Variants in MUC5AC observed in about 807,000 individuals in gnomAD.
The protein encoded by MUC5AC is mucin-5AC.
MUC5AC carries 158 observed loss-of-function variants against 169.7 expected under a neutral mutation model. The ratio of observed to expected loss-of-function variants is 0.93; its 90% CI spans 0.82 to 1.06. The LOEUF (loss-of-function observed/expected upper bound fraction) is 1.06. MUC5AC is among the 50% of genes least tolerant of loss of function. The probability of loss-of-function intolerance (pLI) is 0.00; values close to 1 mark genes in which losing one functional copy is unlikely to be tolerated. For synonymous variants in MUC5AC, 1,975 were observed against 1,237.0 expected, an observed-to-expected ratio of 1.60 and a Z score of -12.52; for missense variants, 4,359 against 3,089.9, an observed-to-expected ratio of 1.41 and a Z score of -9.74.
chr11:1,194,229 C>T lies in MUC5AC; in HGVS notation c.14875C>T (p.Arg4959Cys), dbSNP rs1325615254. Residue 4959 changes from arginine to cysteine, a missense_variant, in exon 34 of 49, where the codon CGC (arginine) becomes TGC (cysteine). Arg to Cys is a radical substitution (Grantham distance 180). Coordinates refer to ENST00000621226, the MANE Select transcript of MUC5AC (RefSeq NM_001304359.2). Reference protein sequence around the residue: ...QQIVPVYGHFRVLVDNYFCGA... With the variant: ...QQIVPVYGHFCVLVDNYFCGA... ...GATTGTGCCCGTGTATGGCCACTTC[C>T]GCGTGCTCGTCGACAACTACTTCTG... 7.8e-6 allele frequency: 6 copies of T among 764,878 alleles called. No homozygotes were observed. Among genetic ancestry groups the T allele is most frequent in the South Asian group, 4.0e-5 (3 of 74,614 alleles). The allele number at this position is 764,878 out of a possible 1,614,324, so 47.4% of individuals were successfully genotyped here. A position where few individuals can be genotyped will look rare whatever the true frequency, so the allele number is the denominator to read the frequency against.
In MUC5AC at chr11:1,164,445, C is replaced by T. The variant is rs185680347; in HGVS notation, c.1042C>T (p.Arg348Cys). The T allele has an allele frequency of 2.5e-5, 41 of 1,612,156 alleles. No homozygotes were observed. Among genetic ancestry groups the T allele is most frequent in the African/African-American group, 8.0e-5 (6 of 75,040 alleles). Residue 348 changes from arginine to cysteine, a missense_variant, in exon 9 of 49, where the codon CGC (arginine) becomes TGC (cysteine). By Grantham distance (180) the Arg-to-Cys change is radical. Transcript: ENST00000621226. Reference protein sequence around the residue: ...CPNNMQYHECRSPCADTCSNQ... With the variant: ...CPNNMQYHECCSPCADTCSNQ... Reference sequence around the variant, plus strand: ...CAACAACATGCAGTACCACGAGTGCCGCTCCCCCTGCGCAGACACCTGCTC... The same window carrying T: ...CAACAACATGCAGTACCACGAGTGCTGCTCCCCCTGCGCAGACACCTGCTC...
chr11:1,186,266 C>A lies in MUC5AC; in HGVS notation c.8121C>A (p.Ser2707Arg). The change falls in exon 31 of 49, where the codon AGC becomes AGA. Residue 2707 changes from serine (S) to arginine (R), a missense_variant. Ser to Arg is a moderately radical substitution (Grantham distance 110). Coordinates refer to ENST00000621226, the MANE Select transcript of MUC5AC (RefSeq NM_001304359.2). Reference protein sequence around the residue: ...GTTPSPVPTTSTTSAPTTSTT... With the variant: ...GTTPSPVPTTRTTSAPTTSTT... ...CTCCCAGCCCTGTTCCCACCACCAG[C>A]ACAACCTCTGCTCCCACAACAAGCA... 1 of 741,820 alleles carries A rather than the reference C, an allele frequency of 1.3e-6. No homozygotes were observed. The highest frequency in any genetic ancestry group is 2.5e-6 in the Non-Finnish European group (1 of 406,334). 46.0% of individuals were successfully genotyped at this position (741,820 alleles called of 1,614,324 possible).
Position 1,168,555 on chromosome 11 carries a change from G to C in MUC5AC, c.1567+3G>C, listed in dbSNP as rs747358938. On this transcript the variant is annotated splice_donor_region_variant and intron_variant, in intron 13 of 48. Coordinates refer to ENST00000621226, the MANE Select transcript of MUC5AC (RefSeq NM_001304359.2). The stretch of plus-strand genomic sequence containing the variant: ...CACCCAGCTGCCCATCTCTGCAGGT[G>C]AGGGCAGTGGCTTCTTCCCCACCCC... 2 of 1,612,584 alleles carry C rather than the reference G, an allele frequency of 1.2e-6. No homozygotes were observed. The highest frequency in any genetic ancestry group is 1.7e-6 in the Non-Finnish European group (2 of 1,179,794).
At position 1,163,862 on chromosome 11, in the gene MUC5AC, C is replaced by T. The variant is rs754960874; in HGVS notation, c.680-20C>T. On this transcript the variant is annotated intron_variant, in intron 6 of 48. Transcript: ENST00000621226. ...GGTACCGGGACCTGCAGGCAGAGCC[C>T]GCCTCTGTGCTTGCCGCAGACACCA... The T allele has an allele frequency of 2.0e-5, 31 of 1,578,948 alleles. No individual in the cohort carries two copies. The highest frequency in any genetic ancestry group is 1.6e-4 in the Admixed American group (9 of 56,090).
rs966481900 is a variant in MUC5AC at position 1,175,039 on chromosome 11, C to A, written c.2250C>A (p.Asp750Glu). 7.5e-6 allele frequency: 3 copies of A among 401,638 alleles called. No homozygotes were observed. The highest frequency in any genetic ancestry group is 1.3e-5 in the Non-Finnish European group (3 of 228,024). The allele number at this position is 401,638 out of a possible 1,614,324, so 24.9% of individuals were successfully genotyped here. A position where few individuals can be genotyped will look rare whatever the true frequency, so the allele number is the denominator to read the frequency against. ...GCICPKGTFLDDTGKCVQASN... is the reference protein window; with the variant it reads ...GCICPKGTFLEDTGKCVQASN... ...TCTGTCCCAAGGGCACCTTCCTGGA[C>A]GACACGGGCAAGTGTGTGCAGGCCA... The change falls in exon 18 of 49, where the codon GAC becomes GAA. Residue 750 changes from aspartate to glutamate, a missense_variant. Asp to Glu is a conservative substitution (Grantham distance 45, BLOSUM62 2). Coordinates refer to ENST00000621226, the MANE Select transcript of MUC5AC (RefSeq NM_001304359.2).
At chr11:1,169,904 A>G (rs1208880523) in intron 15 of MUC5AC, among the ~76,000 whole-genome samples, 1 of 120,206 alleles carries the variant, frequency 8.3e-6, no homozygotes, top group Non-Finnish European at 1.7e-5. Flanking sequence ...CGACTCAACC[A>G]TTCACTCACC....
rs74557741 is a variant in MUC5AC at position 1,162,063 on chromosome 11, G to A, written c.368G>A (p.Arg123His). The change falls in exon 4 of 49, where the codon CGC becomes CAC. Residue 123 changes from arginine to histidine, a missense_variant. Physicochemically the swap from Arg to His is conservative, Grantham distance 29. Coordinates refer to ENST00000621226, the MANE Select transcript of MUC5AC (RefSeq NM_001304359.2). ...AAYEDFNIQL[R>H]RSQESAAPTL... ...TACGAGGATTTTAACATCCAGCTAC[G>A]CCGCAGCCAGGAGTCAGCGGCCCCC... 28 of 1,612,360 alleles carry A rather than the reference G, an allele frequency of 1.7e-5. No individual in the cohort carries two copies. The highest frequency in any genetic ancestry group is 1.6e-4 in the Middle Eastern group (1 of 6,082).
At chr11:1,198,055 C>A in intron 42 of MUC5AC, 51 bp downstream of exon 42, 5 of 639,518 alleles carry the variant, frequency 7.8e-6, no homozygotes, top group Non-Finnish European at 1.4e-5. Flanking sequence ...GGGGTCTCCA[C>A]CTGGGATTTT....
chr11:1,192,969 T>A lies in MUC5AC; in HGVS notation c.14567T>A (p.Val4856Asp). 1 of 720,968 alleles carries A rather than the reference T, an allele frequency of 1.4e-6. No individual in the cohort carries two copies. Among genetic ancestry groups the A allele is most frequent in the Non-Finnish European group, 2.6e-6 (1 of 392,044 alleles). The allele number at this position is 720,968 out of a possible 1,614,324, so 44.7% of individuals were successfully genotyped here. ...PVTELGCPNAVPPRKKGETWA... is the reference protein window; with the variant it reads ...PVTELGCPNADPPRKKGETWA... ...ACTGAGCTGGGATGCCCAAATGCGGTTCCCCCCAGAAAGGTAACCCCCTAC... is the reference window on the plus strand; with the variant it reads ...ACTGAGCTGGGATGCCCAAATGCGGATCCCCCCAGAAAGGTAACCCCCTAC... Residue 4856 changes from valine to aspartate, a missense_variant, in exon 32 of 49, where the codon GTT becomes GAT. By Grantham distance (152) the Val-to-Asp change is radical. Transcript: ENST00000621226.
Position 1,186,041 on chromosome 11 carries a change from T to A in MUC5AC, c.7896T>A (p.Pro2632=). ...SATTTSRISG[P]ETTPSPVPTA... The stretch of plus-strand genomic sequence containing the variant: ...CTACAACCAGCAGAATCTCTGGTCC[T>A]GAAACTACTCCCAGCCCTGTTCCTA... The change falls in exon 31 of 49, where the codon CCT becomes CCA. Residue 2632 remains proline, a synonymous_variant. Coordinates refer to ENST00000621226, the MANE Select transcript of MUC5AC (RefSeq NM_001304359.2). 1 of 735,118 alleles carries A rather than the reference T, an allele frequency of 1.4e-6. No homozygotes were observed. The highest frequency in any genetic ancestry group is 1.4e-5 in the South Asian group (1 of 70,826). The allele number at this position is 735,118 out of a possible 1,614,324, so 45.5% of individuals were successfully genotyped here.
rs1483389538 is a variant in MUC5AC at position 1,174,519 on chromosome 11, C to G, written c.1989C>G (p.Asn663Lys). The change falls in exon 17 of 49, where the codon AAC (asparagine) becomes AAG (lysine). Residue 663 changes from asparagine (N) to lysine (K), a missense_variant. Transcript: ENST00000621226. ...AGAACTGCATGTTTGACACCTGCAA[C>G]TGTGAGCGGAGCGAGGACTGCCTGT... ...YYSNCMFDTCNCERSEDCLCA... is the reference protein window; with the variant it reads ...YYSNCMFDTCKCERSEDCLCA... 1 of 1,561,712 alleles carries G rather than the reference C, an allele frequency of 6.4e-7. No individual in the cohort carries two copies. The highest frequency in any genetic ancestry group is 1.9e-5 in the Admixed American group (1 of 53,498).
intron 24 of MUC5AC, 54 bp downstream of exon 24, chr11:1,177,687 G>C (rs1860720222): frequency 5.0e-6 from 2 of 398,486 alleles, no homozygotes; most frequent in African/African-American, 4.1e-5. Flanking sequence ...TGGAGGTGGG[G>C]AGCGTGGAAC....
chr11:1,163,010 A>G lies in MUC5AC; in HGVS notation c.644A>G (p.Asn215Ser). ...NKTCGLCGDF[N>S]GMPVVSELLS... ...ACCTGTGGGCTCTGTGGGGACTTCA[A>G]CGGGATGCCCGTGGTCAGCGAGCTC... Residue 215 changes from asparagine (N) to serine (S), a missense_variant, in exon 6 of 49, where the codon AAC becomes AGC. Asn to Ser is a conservative substitution (Grantham distance 46). Coordinates refer to ENST00000621226, the MANE Select transcript of MUC5AC (RefSeq NM_001304359.2). 1 of 1,612,560 alleles carries G rather than the reference A, an allele frequency of 6.2e-7. No individual in the cohort carries two copies.
chr11:1,199,534 C>T (rs28514396), intron 46 of MUC5AC, 44 bp downstream of exon 46: 399,989 of 701,422 alleles, frequency 0.57, 116,490 homozygotes, highest in East Asian at 0.65. Flanking sequence ...GGCTTCACCC[C>T]TAGATGGGTT....
At chr11:1,200,254 G>C (rs1041451731) in intron 48 of MUC5AC, among the ~76,000 whole-genome samples, 184 bp from the exon 49 acceptor site, 4 of 152,260 alleles carry the variant, frequency 2.6e-5, no homozygotes, top group Non-Finnish European at 5.9e-5. Context: ...CGGAGCCGGG[G>C]TCGGCCCTGG....
At chr11:1,197,803 G>T (rs1282319361) in intron 41 of MUC5AC, 100 bp from the exon 42 acceptor site, 18 of 642,390 alleles carry the variant, frequency 2.8e-5, no homozygotes, top group Non-Finnish European at 4.5e-5. Flanking sequence ...ACCCCCGAGC[G>T]GGCTGTCTAG....
At chr11:1,194,936 G>C in intron 35 of MUC5AC, 76 bp from the exon 36 acceptor site, 2 of 649,350 alleles carry the variant, frequency 3.1e-6, no homozygotes, top group South Asian at 3.4e-5. Flanking sequence ...GAGACACCAG[G>C]GTCCTGTCCC....
Position 1,190,032 on chromosome 11 carries a change from T to G in MUC5AC, c.11887T>G (p.Phe3963Val). ...CHPRCTWTKWFDVDFPSPGPH... is the reference protein window; with the variant it reads ...CHPRCTWTKWVDVDFPSPGPH... ...TCCCCGGTGCACCTGGACCAAGTGGTTTGACGTGGACTTTCCATCCCCTGG... is the reference window on the plus strand; with the variant it reads ...TCCCCGGTGCACCTGGACCAAGTGGGTTGACGTGGACTTTCCATCCCCTGG... Residue 3963 changes from phenylalanine (F) to valine (V), a missense_variant, in exon 31 of 49, where the codon TTT becomes GTT. Phe to Val is a conservative substitution (Grantham distance 50). Transcript: ENST00000621226. The G allele has an allele frequency of 1.3e-6, 1 of 765,070 alleles. No individual in the cohort carries two copies. Among genetic ancestry groups the G allele is most frequent in the Non-Finnish European group, 2.4e-6 (1 of 417,864 alleles). The allele number at this position is 765,070 out of a possible 1,614,324, so 47.4% of individuals were successfully genotyped here.
rs1340822948 is a variant in MUC5AC, at chr11:1,163,770, T to C, written c.680-112T>C. ...ATCCAGATGGGGCAGGAGCCACCGA[T>C]GGCCCTTCTAACCCCACCCCAGGGA... On this transcript the variant is annotated intron_variant, in intron 6 of 48. Coordinates refer to ENST00000621226, the MANE Select transcript of MUC5AC (RefSeq NM_001304359.2). 10 of 793,828 alleles carry C rather than the reference T, an allele frequency of 1.3e-5. No homozygotes were observed. The Admixed American group carries it at 1.8e-4, about 14-fold the overall frequency. 49.2% of individuals were successfully genotyped at this position (793,828 alleles called of 1,614,324 possible).
Sources: gnomAD v4.1 joint callset for allele counts (sites outside exome capture counted in the v4.1 genomes callset) on GRCh38, gnomAD v4.1.1 for gene constraint, MANE v1.5 for transcripts, NCBI Gene and HGNC (gene_info 2026-07-23, HGNC 2026-07-21) for gene names.